VAV2: variants seen among roughly 807,000 people sequenced by gnomAD.
VAV2 encodes vav guanine nucleotide exchange factor 2.
VAV2 carries 67 observed loss-of-function variants against 132.5 expected under a neutral mutation model. The ratio of observed to expected loss-of-function variants is 0.51; its 90% CI spans 0.42 to 0.62. The LOEUF is 0.62. Among genes scored for constraint, VAV2 ranks in the 20% least tolerant of loss-of-function variants. The pLI is 0.00. For synonymous variants in VAV2, 492 were observed against 443.5 expected (o/e 1.11, Z -1.37); for missense variants, 938 against 1,153.6 (o/e 0.81, Z 2.71).
intron 2 of VAV2, among the ~76,000 whole-genome samples, chr9:133,900,028 A>AG (rs1564448697): frequency 8.9e-6 from 1 of 112,270 alleles, no homozygotes; most frequent in East Asian, 2.2e-4. Flanking sequence ...CTCAAAAAAA[A>AG]TAAATAAATA....
intron 2 of VAV2, among the ~76,000 whole-genome samples, chr9:133,894,229 C>G (rs1047829386): frequency 6.6e-6 from 1 of 152,250 alleles, no homozygotes; most frequent in African/African-American, 2.4e-5. Flanking sequence ...GGGTTCCACC[C>G]TTTCCCAAGG....
chr9:133,947,193 G>T (rs894793457), intron 1 of VAV2, among the ~76,000 whole-genome samples: 1 of 152,148 alleles, frequency 6.6e-6, no homozygotes, highest in African/African-American at 2.4e-5. Flanking sequence ...CATCTCTTCC[G>T]AAAACAAGCA....
rs903882700 is a variant in VAV2 at position 133,884,895 on chromosome 9, C to T, written c.322-23463G>A. 2.0e-5 allele frequency among the ~76,000 whole-genome samples: 3 copies of T among 152,120 alleles called. No homozygotes were observed. Among genetic ancestry groups the T allele is most frequent in the African/African-American group, 2.4e-5 (1 of 41,422 alleles). ...CTCCCACTCAGCCAGAGGGGCGCAG[C>T]GCTGTCCACAACTCACACCCTCAGC... On this transcript the variant is annotated intron_variant, in intron 2 of 29. Transcript: ENST00000371850. The surrounding 1 kb of genome is among the most constrained non-coding windows in gnomAD (Gnocchi z 5.3).
At chr9:133,897,159 G>A (rs1839242730) in intron 2 of VAV2, among the ~76,000 whole-genome samples, 1 of 152,168 alleles carries the variant, frequency 6.6e-6, no homozygotes, top group Non-Finnish European at 1.5e-5. Context: ...AGCGACTCGG[G>A]AGCCTATCGG....
intron 1 of VAV2, among the ~76,000 whole-genome samples, chr9:133,965,279 G>C (rs1842106457): frequency 6.6e-6 from 1 of 151,782 alleles, no homozygotes; most frequent in South Asian, 2.1e-4. Context: ...CCTGAGGTCA[G>C]AAGTTTGAGA....
At chr9:133,837,424 G>A (rs1010950667) in intron 3 of VAV2, among the ~76,000 whole-genome samples, 16 of 152,324 alleles carry the variant, frequency 1.1e-4, no homozygotes, top group East Asian at 5.8e-4. Flanking sequence ...GGCCAGGCGC[G>A]GTGGCTCACA....
Position 133,969,786 on chromosome 9 carries a change from C to A in VAV2, c.204+22289G>T, listed in dbSNP as rs569100320. 1.0e-3 allele frequency among the ~76,000 whole-genome samples: 152 copies of A among 152,268 alleles called. No homozygotes were observed. Among genetic ancestry groups the A allele is most frequent in the African/African-American group, 3.4e-3 (143 of 41,550 alleles). ...CCATTCCCACTTCTCTCCCCACCCC[C>A]CAGCCTGGACACCCCCATCTGCCTC... On this transcript the variant is annotated intron_variant, in intron 1 of 29. Transcript: ENST00000371850. The surrounding 1 kb of genome is among the most constrained non-coding windows in gnomAD (Gnocchi z 5.1).
At chr9:133,781,719 T>C (rs138628103) in intron 19 of VAV2, among the ~76,000 whole-genome samples, 2 of 152,250 alleles carry the variant, frequency 1.3e-5, no homozygotes, top group East Asian at 3.9e-4. Flanking sequence ...GGAAGGCAGC[T>C]TGGACACTGT....
chr9:133,861,526 C>A, intron 2 of VAV2, 94 bp from the exon 3 acceptor site: 2 of 1,392,308 alleles, frequency 1.4e-6, no homozygotes, highest in Non-Finnish European at 2.0e-6. Flanking sequence ...ACGTCGAGAA[C>A]TGTTAACTGA....
chr9:133,865,169 G>A (rs1837751096), intron 2 of VAV2, among the ~76,000 whole-genome samples: 1 of 152,188 alleles, frequency 6.6e-6, no homozygotes, highest in Admixed American at 6.5e-5. Context: ...CAGAGGTGCT[G>A]TGCTCACAGT....
intron 2 of VAV2, among the ~76,000 whole-genome samples, chr9:133,907,534 G>A (rs571082164): frequency 2.6e-5 from 4 of 152,166 alleles, no homozygotes; most frequent in Non-Finnish European, 4.4e-5. Flanking sequence ...CTAGCTCCTC[G>A]GCTGACTAAC....
chr9:133,771,833 C>T, intron 26 of VAV2, 126 bp downstream of exon 26: 3 of 924,300 alleles, frequency 3.2e-6, no homozygotes, highest in East Asian at 2.4e-5. Context: ...AACCAATTCC[C>T]TAAATCTTGG....
chr9:133,915,893 ACACACGATG>A (rs1444242498), intron 2 of VAV2, among the ~76,000 whole-genome samples: 1 of 149,948 alleles, frequency 6.7e-6, no homozygotes, highest in Non-Finnish European at 1.5e-5. Context: ...ATGCACACTC[ACACACGATG>A]CACACGTGCA....
chr9:133,829,514 A>G (rs984138455), intron 4 of VAV2, among the ~76,000 whole-genome samples: 7 of 152,278 alleles, frequency 4.6e-5, no homozygotes, highest in Non-Finnish European at 1.0e-4. Flanking sequence ...TGCGAGCTCC[A>G]TAAGCCAGAT....
chr9:133,983,261 T>C (rs1474935469), intron 1 of VAV2, among the ~76,000 whole-genome samples: 2 of 151,930 alleles, frequency 1.3e-5, no homozygotes, highest in African/African-American at 2.4e-5. Flanking sequence ...GGGACAAACA[T>C]GTGTCCCTAC....
chr9:133,959,280 AGAGGCACAGCTGG>A (rs981500255), intron 1 of VAV2, among the ~76,000 whole-genome samples: 3 of 152,142 alleles, frequency 2.0e-5, no homozygotes, highest in African/African-American at 4.8e-5. Context: ...AAGCCACAAG[AGAGGCACAGCTGG>A]GAGGCACAGA....
intron 2 of VAV2, among the ~76,000 whole-genome samples, chr9:133,881,287 C>T (rs1027466481): frequency 2.0e-5 from 3 of 152,356 alleles, no homozygotes; most frequent in East Asian, 1.9e-4. Flanking sequence ...GATAGCGGAG[C>T]GCAGACGTGG....
intron 2 of VAV2, among the ~76,000 whole-genome samples, chr9:133,923,068 C>T (rs970587909): frequency 6.6e-6 from 1 of 152,168 alleles, no homozygotes; most frequent in African/African-American, 2.4e-5. Flanking sequence ...ATGATGTAAA[C>T]CTGGTCAACA....
intron 2 of VAV2, among the ~76,000 whole-genome samples, chr9:133,936,981 G>T (rs1027795538): frequency 6.6e-6 from 1 of 152,206 alleles, no homozygotes; most frequent in African/African-American, 2.4e-5. Context: ...CACACAGCTG[G>T]TAAGTTGAAT....
Sources: gnomAD v4.1 joint callset for allele counts (sites outside exome capture counted in the v4.1 genomes callset) on GRCh38, gnomAD v4.1.1 for gene constraint, Gnocchi (gnomAD v3.1) non-coding constraint, MANE v1.5 for transcripts, NCBI Gene and HGNC (gene_info 2026-07-23, HGNC 2026-07-21) for gene names.